PLEKHA7: variants seen among roughly 807,000 people sequenced by gnomAD.
PLEKHA7 encodes pleckstrin homology domain containing A7, also known as pleckstrin homology domain-containing family A member 7.
A neutral mutation model predicts 170.0 loss-of-function variants in PLEKHA7; 104 were observed. The observed-to-expected ratio is 0.61, with a 90% CI of 0.52 to 0.72. The LOEUF is 0.72. Ranked by LOEUF, PLEKHA7 falls within the 30% of genes least tolerant of loss-of-function variation. PLEKHA7 has a pLI of 0.00. For missense variants in PLEKHA7, 1,615 were observed against 1,671.7 expected, an observed-to-expected ratio of 0.97 and a Z score of 0.59; for synonymous variants, 648 against 660.8, an observed-to-expected ratio of 0.98 and a Z score of 0.30.
chr11:17,011,246 G>A (rs1325036080), intron 3 of PLEKHA7, among the ~76,000 whole-genome samples: 1 of 152,158 alleles, frequency 6.6e-6, no homozygotes, highest in Non-Finnish European at 1.5e-5. Context: ...GCCCCTGGGT[G>A]ACGCTAGTGA....
At chr11:16,889,617 A>G (rs1286875958) in intron 3 of PLEKHA7, among the ~76,000 whole-genome samples, 1 of 151,694 alleles carries the variant, frequency 6.6e-6, no homozygotes, top group African/African-American at 2.4e-5. Context: ...AAAAAAATAA[A>G]TAAAATGAAA....
chr11:16,826,756 G>A (rs543898613), intron 9 of PLEKHA7, among the ~76,000 whole-genome samples, 166 bp from the exon 10 acceptor site: 13 of 152,214 alleles, frequency 8.5e-5, no homozygotes, highest in African/African-American at 2.6e-4. Context: ...GCTCCTTTGG[G>A]GATCTGGCTT....
chr11:16,817,481 C>T lies in PLEKHA7; in HGVS notation c.1344-159G>A, dbSNP rs1849863309. ...CCGACATCCAGGACTTCAGTCACTT[C>T]CCCTTTTGGCAGACGACTCCAAAAC... On this transcript the variant is annotated intron_variant, in intron 10 of 26. Coordinates refer to ENST00000531066, the MANE Select transcript of PLEKHA7 (RefSeq NM_001329630.2). The surrounding 1 kb of genome is among the most constrained non-coding windows in gnomAD (Gnocchi z 4.4). 1 of 676,202 alleles carries T rather than the reference C, an allele frequency of 1.5e-6. No individual in the cohort carries two copies. Among genetic ancestry groups the T allele is most frequent in the Non-Finnish European group, 2.3e-6 (1 of 437,812 alleles). The allele number at this position is 676,202 out of a possible 1,614,324, so 41.9% of individuals were successfully genotyped here. A position where few individuals can be genotyped will look rare whatever the true frequency, so the allele number is the denominator to read the frequency against.
At chr11:16,946,973 T>A (rs914690331) in intron 3 of PLEKHA7, among the ~76,000 whole-genome samples, 1 of 152,210 alleles carries the variant, frequency 6.6e-6, no homozygotes, top group African/African-American at 2.4e-5. Flanking sequence ...GGTAAAGTGA[T>A]TGGGTCATCT....
At chr11:16,868,557 A>G (rs1854578333) in intron 4 of PLEKHA7, among the ~76,000 whole-genome samples, 1 of 152,236 alleles carries the variant, frequency 6.6e-6, no homozygotes, top group South Asian at 2.1e-4. Context: ...TGTAGAGTCC[A>G]GCACAGCCCC....
At position 16,826,102 on chromosome 11, in the gene PLEKHA7, C is replaced by A. The variant is rs1169011324; in HGVS notation, c.1343+18G>T. 5 of 1,605,746 alleles carry A rather than the reference C, an allele frequency of 3.1e-6. No individual in the cohort carries two copies. Among genetic ancestry groups the A allele is most frequent in the Non-Finnish European group, 4.3e-6 (5 of 1,173,878 alleles). ...TATCGTGCTCGTTATAAGCAGCGAT[C>A]CTGAGTCTATTACTCACCTCCTGCT... On this transcript the variant is annotated intron_variant, in intron 10 of 26. Coordinates refer to ENST00000531066, the MANE Select transcript of PLEKHA7 (RefSeq NM_001329630.2).
Position 16,791,191 on chromosome 11 carries a change from T to C in PLEKHA7, c.2754A>G (p.Glu918=). The change falls in exon 20 of 27, where the codon GAA becomes GAG. Residue 918 remains glutamate, a synonymous_variant. Transcript: ENST00000531066. The surrounding 1 kb of genome is among the most constrained non-coding windows in gnomAD (Gnocchi z 4.5). ...CGGGGAGTGGGGGCCTGGGAGGTGC[T>C]TCATCTTCCTGCTGAGAAAGAGAAC... ...PTKAKPKVED[E]APPRPPLPEL... is the part of the protein sequence containing the mutation. 1 of 1,590,708 alleles carries C rather than the reference T, an allele frequency of 6.3e-7. No homozygotes were observed. Among genetic ancestry groups the C allele is most frequent in the South Asian group, 1.1e-5 (1 of 88,462 alleles).
chr11:16,922,035 T>C lies in PLEKHA7; in HGVS notation c.222-50853A>G, dbSNP rs573621696. On this transcript the variant is annotated intron_variant, in intron 3 of 26. Coordinates refer to ENST00000531066, the MANE Select transcript of PLEKHA7 (RefSeq NM_001329630.2). ...CTATGCTGTATGCCTGCGTCAGAGA[T>C]TCAGGGTTCTCCAAGGCCTCTTTGA... Among the ~76,000 whole-genome samples the C allele has an allele frequency of 2.0e-4, 30 of 152,290 alleles. 1 individual carries two copies. The South Asian group carries it at 5.6e-3, about 28-fold the overall frequency.
intron 23 of PLEKHA7, chr11:16,786,821 G>C (rs1179807257): frequency 2.2e-5 from 22 of 985,288 alleles, no homozygotes; most frequent in Non-Finnish European, 2.5e-5. Flanking sequence ...TGCTAAGCAA[G>C]AAGAATAACC....
At chr11:16,954,244 A>C (rs1182576515) in intron 3 of PLEKHA7, among the ~76,000 whole-genome samples, 1 of 152,212 alleles carries the variant, frequency 6.6e-6, no homozygotes, top group Admixed American at 6.5e-5. Flanking sequence ...GGCCAGGCAC[A>C]GTGGCTCACA....
At position 16,779,063 on chromosome 11, in the gene PLEKHA7, G is replaced by A. The variant is rs189389708; in HGVS notation, c.3794-43C>T. 9.1e-5 allele frequency: 64 copies of A among 702,270 alleles called. No homozygotes were observed. In the African/African-American group the frequency reaches 9.9e-4, roughly 11 times the overall value. The allele number at this position is 702,270 out of a possible 1,614,324, so 43.5% of individuals were successfully genotyped here. On this transcript the variant is annotated intron_variant, in intron 26 of 26. Transcript: ENST00000531066. ...AGACAGTGAGAGGCTGGCATCCAGGGAGCAGGCACGTCTGCACACACATGA... is the reference window on the plus strand; with the variant it reads ...AGACAGTGAGAGGCTGGCATCCAGGAAGCAGGCACGTCTGCACACACATGA...
In PLEKHA7 at chr11:16,786,406, G is replaced by A; in HGVS notation, c.3358-19C>T. On this transcript the variant is annotated intron_variant, in intron 23 of 26. Coordinates refer to ENST00000531066, the MANE Select transcript of PLEKHA7 (RefSeq NM_001329630.2). ...GCTTCCACTGGCAACAGAACAAGAG[G>A]TTAAACGTAGTCGCTTCCTGATTGC... is the stretch of plus-strand genomic sequence containing the variant. The A allele has an allele frequency of 6.5e-7, 1 of 1,535,772 alleles. No individual in the cohort carries two copies. Among genetic ancestry groups the A allele is most frequent in the Non-Finnish European group, 8.7e-7 (1 of 1,146,610 alleles).
intron 17 of PLEKHA7, among the ~76,000 whole-genome samples, chr11:16,797,420 A>T (rs901288469): frequency 2.6e-5 from 4 of 152,108 alleles, no homozygotes; most frequent in Non-Finnish European, 5.9e-5. Flanking sequence ...CTGCTCATTG[A>T]TCCATCCCTA....
intron 8 of PLEKHA7, among the ~76,000 whole-genome samples, chr11:16,848,863 A>T (rs1179766988): frequency 6.6e-6 from 1 of 152,238 alleles, no homozygotes; most frequent in Non-Finnish European, 1.5e-5. Context: ...TATACAGAGA[A>T]GGACCAACAT....
At chr11:16,996,401 T>A (rs189958612) in intron 3 of PLEKHA7, among the ~76,000 whole-genome samples, 1 of 152,004 alleles carries the variant, frequency 6.6e-6, no homozygotes, top group South Asian at 2.1e-4. Flanking sequence ...CCTCCACCTA[T>A]CCCATCTGAG....
In PLEKHA7 at chr11:16,975,044, A is replaced by G; in HGVS notation, c.221+38945T>C. ...CGTGAGCGCTATCGGCGCGGAAAGA[A>G]GCCAGGTTTTTATATATACTATGTA... On this transcript the variant is annotated intron_variant, in intron 3 of 26. Coordinates refer to ENST00000531066, the MANE Select transcript of PLEKHA7 (RefSeq NM_001329630.2). 2.8e-6 allele frequency: 2 copies of G among 701,948 alleles called. 1 individual carries two copies. Among genetic ancestry groups the G allele is most frequent in the Non-Finnish European group, 3.5e-6 (2 of 575,736 alleles). The allele number at this position is 701,948 out of a possible 1,614,324, so 43.5% of individuals were successfully genotyped here. A position where few individuals can be genotyped will look rare whatever the true frequency, so the allele number is the denominator to read the frequency against.
intron 3 of PLEKHA7, among the ~76,000 whole-genome samples, chr11:16,925,474 T>G (rs1314496633): frequency 6.6e-6 from 1 of 152,134 alleles, no homozygotes; most frequent in Non-Finnish European, 1.5e-5. Flanking sequence ...CCCTGCGCCC[T>G]GTCGGCTCGA....
chr11:16,984,846 G>A (rs1040837024), intron 3 of PLEKHA7, among the ~76,000 whole-genome samples: 2 of 152,210 alleles, frequency 1.3e-5, no homozygotes, highest in African/African-American at 4.8e-5. Context: ...AGGAATGAAT[G>A]ACCCTACAAG....
chr11:16,850,257 C>T lies in PLEKHA7; in HGVS notation c.696+934G>A, dbSNP rs531088099. On this transcript the variant is annotated intron_variant, in intron 8 of 26. Transcript: ENST00000531066. Reference sequence around the variant, plus strand: ...TCTTGTGCCTCCAACATGGAAACGGCCAAGCAACAAGTGTAGTGGGGACAG... The same window carrying T: ...TCTTGTGCCTCCAACATGGAAACGGTCAAGCAACAAGTGTAGTGGGGACAG... Among the ~76,000 whole-genome samples, 11 of 152,318 alleles carry T rather than the reference C, an allele frequency of 7.2e-5. No homozygotes were observed. In the South Asian group the frequency reaches 2.3e-3, roughly 32 times the overall value.
Sources: gnomAD v4.1 joint callset for allele counts (sites outside exome capture counted in the v4.1 genomes callset) on GRCh38, gnomAD v4.1.1 for gene constraint, Gnocchi (gnomAD v3.1) non-coding constraint, MANE v1.5 for transcripts, NCBI Gene and HGNC (gene_info 2026-07-23, HGNC 2026-07-21) for gene names.